The following PPP1R21 variants were observed in gnomAD, a reference collection of about 807,000 sequenced individuals.
PPP1R21 encodes KLRAQ motif containing 1.
A neutral mutation model predicts 112.8 loss-of-function variants in PPP1R21; 85 were observed. The ratio of observed to expected loss-of-function variants is 0.75; its 90% CI spans 0.63 to 0.90. The LOEUF (loss-of-function observed/expected upper bound fraction) is 0.90, where lower values mean the gene tolerates loss of function less well. Among genes scored for constraint, PPP1R21 ranks in the 40% least tolerant of loss-of-function variants. PPP1R21 has a pLI of 0.00. For missense variants in PPP1R21, 1,199 were observed against 901.5 expected, an observed-to-expected ratio of 1.33 and a Z score of -4.23; for synonymous variants, 381 against 322.3, an observed-to-expected ratio of 1.18 and a Z score of -1.95.
intron 13 of PPP1R21, among the ~76,000 whole-genome samples, chr2:48,481,256 TG>T (rs1306645418): frequency 6.6e-6 from 1 of 152,254 alleles, no homozygotes; most frequent in African/African-American, 2.4e-5. Context: ...CCCAAAGTGC[TG>T]GGACTACAGG....
chr2:48,489,279 T>C (rs11676851), intron 14 of PPP1R21, among the ~76,000 whole-genome samples: 7 of 152,108 alleles, frequency 4.6e-5, no homozygotes, highest in Non-Finnish European at 1.0e-4. Context: ...TGGGAGTATT[T>C]ATTGCTTGAG....
chr2:48,444,174 T>C (rs909982443), intron 1 of PPP1R21, among the ~76,000 whole-genome samples: 5 of 151,952 alleles, frequency 3.3e-5, no homozygotes, highest in African/African-American at 1.2e-4. Context: ...TAAAAGAAAG[T>C]GTTATGGAAA....
intron 17 of PPP1R21, among the ~76,000 whole-genome samples, chr2:48,499,393 C>T (rs1472588086): frequency 6.6e-6 from 1 of 152,078 alleles, no homozygotes; most frequent in African/African-American, 2.4e-5. Flanking sequence ...TATTATGTTT[C>T]TAACAAAGGA....
chr2:48,445,228 A>G (rs77961213), intron 1 of PPP1R21, among the ~76,000 whole-genome samples: 17,986 of 151,034 alleles, frequency 0.12, 1,142 homozygotes, highest in African/African-American at 0.15. Context: ...GTGCTATCCA[A>G]TGGAAGTTTC....
At chr2:48,446,906 A>T (rs1004509250) in intron 1 of PPP1R21, among the ~76,000 whole-genome samples, 2 of 152,056 alleles carry the variant, frequency 1.3e-5, no homozygotes, top group African/African-American at 4.8e-5. Flanking sequence ...GCCTGCCACC[A>T]TGCCCGGCTA....
chr2:48,487,277 A>G (rs371635239), intron 14 of PPP1R21, among the ~76,000 whole-genome samples: 59 of 152,220 alleles, frequency 3.9e-4, no homozygotes, highest in African/African-American at 1.3e-3. Context: ...TTTTCCTTCT[A>G]GTGTTTTTGT....
chr2:48,466,604 T>C (rs960433005), intron 9 of PPP1R21, among the ~76,000 whole-genome samples: 4 of 152,114 alleles, frequency 2.6e-5, no homozygotes, highest in African/African-American at 7.2e-5. Flanking sequence ...CACCGGGGAA[T>C]GGAGGTCACT....
At chr2:48,502,844 C>T (rs1670186600) in intron 17 of PPP1R21, among the ~76,000 whole-genome samples, 1 of 151,884 alleles carries the variant, frequency 6.6e-6, no homozygotes, top group Non-Finnish European at 1.5e-5. Context: ...CCATGCCCGG[C>T]TAATTTTTTG....
intron 11 of PPP1R21, chr2:48,471,582 A>G (rs944390138): frequency 2.8e-5 from 14 of 505,034 alleles, no homozygotes; most frequent in African/African-American, 1.2e-4. Flanking sequence ...ACAGATTTTC[A>G]GTTGTTCTGT....
At chr2:48,473,088 A>T (rs1173623296) in intron 11 of PPP1R21, among the ~76,000 whole-genome samples, 1 of 150,802 alleles carries the variant, frequency 6.6e-6, no homozygotes, top group Non-Finnish European at 1.5e-5. Flanking sequence ...TAAGAAATAT[A>T]CAATTTTATT....
chr2:48,461,271 G>A (rs1553337522), intron 7 of PPP1R21, 39 bp downstream of exon 7: 1 of 1,493,198 alleles, frequency 6.7e-7, no homozygotes, highest in Non-Finnish European at 8.9e-7. Context: ...TTGTAACTTT[G>A]AATCTCTCTG....
At chr2:48,441,041 C>T in intron 1 of PPP1R21, 31 bp downstream of exon 1, 3 of 1,523,080 alleles carry the variant, frequency 2.0e-6, no homozygotes, top group Non-Finnish European at 2.7e-6. Flanking sequence ...GTAGGGGGTC[C>T]CCCGCCCTGC....
Position 48,507,394 on chromosome 2 carries a change from A to C in PPP1R21, c.2085+9A>C. On this transcript the variant is annotated intron_variant, in intron 19 of 21. Transcript: ENST00000294952. The stretch of plus-strand genomic sequence containing the variant: ...TGCATTTTTATGCCGAGGTGAGTGT[A>C]GATTTAATTAGATTGGTGGTTTTTT... 1 of 1,592,794 alleles carries C rather than the reference A, an allele frequency of 6.3e-7. No individual in the cohort carries two copies. The highest frequency in any genetic ancestry group is 8.5e-7 in the Non-Finnish European group (1 of 1,173,198).
chr2:48,465,409 G>A, intron 8 of PPP1R21, 84 bp from the exon 9 acceptor site: 2 of 1,251,552 alleles, frequency 1.6e-6, no homozygotes, highest in South Asian at 1.5e-5. Flanking sequence ...GGATTCAAAT[G>A]TTTTCTCCAG....
chr2:48,475,107 C>T lies in PPP1R21; in HGVS notation c.1225+288C>T, dbSNP rs941217160. Among the ~76,000 whole-genome samples the T allele has an allele frequency of 7.2e-5, 11 of 152,202 alleles. No homozygotes were observed. In the East Asian group the frequency reaches 7.7e-4, roughly 11 times the overall value. The stretch of plus-strand genomic sequence containing the variant: ...GTGACTCACACCTGTCATCCCAGCA[C>T]GTTGGGAGGCTGAGGTGGGAGGATG... On this transcript the variant is annotated intron_variant, in intron 12 of 21. Transcript: ENST00000294952.
At chr2:48,497,641 C>G (rs900322928) in intron 16 of PPP1R21, among the ~76,000 whole-genome samples, 3 of 151,430 alleles carry the variant, frequency 2.0e-5, no homozygotes, top group South Asian at 2.1e-4. Context: ...TTGCACCAAC[C>G]TATAGTTCTA....
In PPP1R21 at chr2:48,458,240, G is replaced by C; in HGVS notation, c.375+13G>C. 6.4e-7 allele frequency: 1 copy of C among 1,560,002 alleles called. No individual in the cohort carries two copies. The highest frequency in any genetic ancestry group is 8.8e-7 in the Non-Finnish European group (1 of 1,133,118). On this transcript the variant is annotated intron_variant, in intron 4 of 21. Transcript: ENST00000294952. The stretch of plus-strand genomic sequence containing the variant: ...GTTGCATATACAAGTGAGAAAATCT[G>C]TTTTTCTATGTGAATTAAAAAATGG...
chr2:48,490,970 A>T (rs561105614), intron 14 of PPP1R21, 48 bp from the exon 15 acceptor site: 1 of 1,517,372 alleles, frequency 6.6e-7, no homozygotes, highest in African/African-American at 1.4e-5. Flanking sequence ...TATATTTTAG[A>T]TATATTGTTG....
At chr2:48,490,985 A>C in intron 14 of PPP1R21, 33 bp from the exon 15 acceptor site, 1 of 1,601,112 alleles carries the variant, frequency 6.2e-7, no homozygotes. Context: ...TTGTTGGAAA[A>C]CAAAATCTAT....
Sources: allele counts gnomAD v4.1 joint callset (sites outside exome capture counted in the v4.1 genomes callset), GRCh38; gene constraint gnomAD v4.1.1; transcripts MANE v1.5; gene names NCBI Gene and HGNC (gene_info 2026-07-23, HGNC 2026-07-21).